CSMD1: variants seen among roughly 807,000 people sequenced by gnomAD.
The protein encoded by CSMD1 is CUB and Sushi multiple domains 1.
A neutral mutation model predicts 417.5 loss-of-function variants in CSMD1; 213 were observed. The observed-to-expected ratio is 0.51, with a 90% CI of 0.46 to 0.57. The LOEUF (loss-of-function observed/expected upper bound fraction) is 0.57. CSMD1 is among the 20% of genes least tolerant of loss of function. CSMD1 has a pLI of 0.00. For synonymous variants in CSMD1, 2,862 were observed against 1,736.8 expected (o/e 1.65, Z -16.11); for missense variants, 6,923 against 4,529.7 (o/e 1.53, Z -15.17).
At chr8:3,217,134 G>A (rs774919549) in intron 29 of CSMD1, among the ~76,000 whole-genome samples, 16 of 152,176 alleles carry the variant, frequency 1.1e-4, no homozygotes, top group Non-Finnish European at 2.4e-4. Flanking sequence ...CACTGCTCCA[G>A]GCTGGAAGAA....
Position 3,795,940 on chromosome 8 carries a change from T to C in CSMD1, c.819-41898A>G, listed in dbSNP as rs1249640814. Among the ~76,000 whole-genome samples, 15 of 51,768 alleles carry C rather than the reference T, an allele frequency of 2.9e-4. 3 individuals are homozygous for C. Among genetic ancestry groups the C allele is most frequent in the African/African-American group, 1.1e-3 (15 of 13,224 alleles). 34.0% of individuals were successfully genotyped at this position (51,768 alleles called of 152,430 possible). A position where few individuals can be genotyped will look rare whatever the true frequency, so the allele number is the denominator to read the frequency against. On this transcript the variant is annotated intron_variant, in intron 5 of 69. Transcript: ENST00000635120. Reference sequence around the variant, plus strand: ...TATAGATATCTATCATGTACAGATATAGATATCTATCATGTACAGATATAG... The same window carrying C: ...TATAGATATCTATCATGTACAGATACAGATATCTATCATGTACAGATATAG...
intron 6 of CSMD1, among the ~76,000 whole-genome samples, chr8:3,735,692 C>T (rs1221562828): frequency 3.3e-5 from 5 of 152,180 alleles, no homozygotes; most frequent in Non-Finnish European, 7.3e-5. Flanking sequence ...GGCTTGCTAT[C>T]AGGATTAAAT....
chr8:4,933,481 T>A (rs563532825), intron 1 of CSMD1, among the ~76,000 whole-genome samples: 3 of 152,190 alleles, frequency 2.0e-5, no homozygotes, highest in East Asian at 3.8e-4. Context: ...GAACTGTCAG[T>A]GCAGAAGGTA....
intron 3 of CSMD1, among the ~76,000 whole-genome samples, chr8:4,052,111 G>C (rs970978919): frequency 5.9e-5 from 9 of 151,958 alleles, no homozygotes; most frequent in African/African-American, 1.5e-4. Context: ...TAAAAATAGA[G>C]ACAGGGTTTC....
At position 3,997,990 on chromosome 8, in the gene CSMD1, T is replaced by A. The variant is rs1320951230; in HGVS notation, c.731A>T (p.Asp244Val). ...CTWTILAEPG[D>V]TIALVFTDFQ... ...GTCAGTGAAGACCAGCGCAATGGTG[T>A]CCCCGGGCTCAGCCAGAATGGTCCA... The change falls in exon 5 of 70, where the codon GAC (aspartate) becomes GTC (valine). Residue 244 changes from aspartate (D) to valine (V), a missense_variant. Transcript: ENST00000635120. 1.9e-6 allele frequency: 3 copies of A among 1,610,476 alleles called. No homozygotes were observed. The highest frequency in any genetic ancestry group is 2.5e-6 in the Non-Finnish European group (3 of 1,178,238).
At chr8:3,199,895 A>G (rs1796902731) in intron 32 of CSMD1, 86 bp from the exon 33 acceptor site, 1 of 722,002 alleles carries the variant, frequency 1.4e-6, no homozygotes, top group African/African-American at 1.8e-5. Flanking sequence ...TAAAGTTGAA[A>G]TTTCACATTT....
chr8:4,942,917 T>C (rs755803821), intron 1 of CSMD1, among the ~76,000 whole-genome samples: 4 of 152,122 alleles, frequency 2.6e-5, no homozygotes, highest in Non-Finnish European at 4.4e-5. Flanking sequence ...GAAACAATGG[T>C]TTGGATTAGG....
intron 5 of CSMD1, among the ~76,000 whole-genome samples, chr8:3,812,886 G>A (rs1801161713): frequency 6.6e-6 from 1 of 152,170 alleles, no homozygotes; most frequent in African/African-American, 2.4e-5. Context: ...TTAATGACAT[G>A]CCAGCTCTTT....
At chr8:4,761,654 A>G (rs1408346553) in intron 1 of CSMD1, among the ~76,000 whole-genome samples, 6 of 152,136 alleles carry the variant, frequency 3.9e-5, no homozygotes, top group Non-Finnish European at 7.4e-5. Flanking sequence ...TCAGAAGCAT[A>G]TAGACTACCT....
intron 1 of CSMD1, among the ~76,000 whole-genome samples, chr8:4,657,283 G>C (rs990799263): frequency 7.9e-5 from 12 of 152,182 alleles, no homozygotes; most frequent in African/African-American, 2.9e-4. Context: ...GTTGTAAAAA[G>C]CCTGGCGAAG....
intron 18 of CSMD1, among the ~76,000 whole-genome samples, chr8:3,385,061 A>C (rs1232206679): frequency 1.6e-3 from 189 of 117,002 alleles, no homozygotes; most frequent in Middle Eastern, 8.6e-3. Context: ...TATAATATAT[A>C]ATATATAAAT....
intron 5 of CSMD1, among the ~76,000 whole-genome samples, chr8:3,949,474 T>C (rs1811457297): frequency 2.0e-5 from 3 of 152,096 alleles, no homozygotes; most frequent in South Asian, 4.1e-4. Context: ...TAAGCACCAA[T>C]ACTATATAAA....
intron 7 of CSMD1, among the ~76,000 whole-genome samples, chr8:3,670,249 G>A (rs533655910): frequency 1.3e-5 from 2 of 152,066 alleles, no homozygotes; most frequent in South Asian, 4.1e-4. Flanking sequence ...GGAAAAATAT[G>A]AAAAGGTCAG....
intron 3 of CSMD1, among the ~76,000 whole-genome samples, chr8:4,184,425 G>C (rs116036486): frequency 2.0e-5 from 3 of 152,034 alleles, no homozygotes; most frequent in Non-Finnish European, 2.9e-5. Context: ...TGTTCCTTGC[G>C]GCACTATTCA....
chr8:4,138,090 A>G (rs1447019444), intron 3 of CSMD1, among the ~76,000 whole-genome samples: 2 of 48,028 alleles, frequency 4.2e-5, no homozygotes, highest in African/African-American at 8.2e-5. Context: ...TTTTTTTTGT[A>G]TTTTTTAGTA....
intron 5 of CSMD1, among the ~76,000 whole-genome samples, chr8:3,911,590 T>C (rs1476683054): frequency 6.6e-6 from 1 of 151,996 alleles, no homozygotes; most frequent in African/African-American, 2.4e-5. Context: ...CAGCTGGTCT[T>C]TATATTTCCA....
At chr8:3,374,336 AC>A (rs1810174832) in intron 18 of CSMD1, among the ~76,000 whole-genome samples, 1 of 152,140 alleles carries the variant, frequency 6.6e-6, no homozygotes, top group African/African-American at 2.4e-5. Flanking sequence ...ATTTAGAGTT[AC>A]TTATTAAGAA....
At chr8:3,660,885 G>C (rs1368042626) in intron 7 of CSMD1, among the ~76,000 whole-genome samples, 3 of 152,144 alleles carry the variant, frequency 2.0e-5, no homozygotes, top group African/African-American at 4.8e-5. Context: ...CTCTATGACA[G>C]ATTTTTTGTA....
intron 1 of CSMD1, among the ~76,000 whole-genome samples, chr8:4,993,815 A>T (rs1811608130): frequency 6.6e-6 from 1 of 152,114 alleles, no homozygotes; most frequent in South Asian, 2.1e-4. Flanking sequence ...AATGGGGTGT[A>T]TGGGTGCGAG....
Sources: gnomAD v4.1 joint callset for allele counts (sites outside exome capture counted in the v4.1 genomes callset) on GRCh38, gnomAD v4.1.1 for gene constraint, MANE v1.5 for transcripts, NCBI Gene and HGNC (gene_info 2026-07-23, HGNC 2026-07-21) for gene names.